UBP1: variants seen among roughly 807,000 people sequenced by gnomAD.
UBP1 encodes upstream binding protein 1.
In UBP1, 22 loss-of-function variants were observed where a neutral mutation model predicts 76.1. The ratio of observed to expected loss-of-function variants is 0.29; its 90% CI spans 0.21 to 0.41. UBP1 has a LOEUF of 0.41. Among genes scored for constraint, UBP1 ranks in the 10% least tolerant of loss-of-function variants. The pLI, the probability that UBP1 is intolerant of heterozygous loss-of-function variation, is 1.00. For missense variants in UBP1, 436 were observed against 668.1 expected (o/e 0.65, Z 3.83); for synonymous variants, 224 against 237.1 (o/e 0.94, Z 0.51).
chr3:33,434,236 T>C (rs1309201513), intron 1 of UBP1, among the ~76,000 whole-genome samples: 1 of 151,434 alleles, frequency 6.6e-6, no homozygotes, highest in Non-Finnish European at 1.5e-5. Context: ...AGACAGTTCT[T>C]AGACTACATA....
At chr3:33,397,308 G>T in intron 11 of UBP1, 173 bp from the exon 12 acceptor site, 1 of 480,746 alleles carries the variant, frequency 2.1e-6, no homozygotes, top group Non-Finnish European at 3.6e-6. Context: ...TCAGAGCCAA[G>T]GAAAATGCTG....
intron 9 of UBP1, 139 bp from the exon 10 acceptor site, chr3:33,401,155 A>G (rs2044213942): frequency 1.4e-6 from 1 of 696,964 alleles, no homozygotes. Context: ...AAAGTCTGCA[A>G]CAAAATGCAA....
intron 3 of UBP1, among the ~76,000 whole-genome samples, chr3:33,413,793 G>A (rs573622492): frequency 1.8e-4 from 28 of 152,190 alleles, no homozygotes; most frequent in African/African-American, 6.7e-4. Context: ...CACACCTGCA[G>A]GGCCTGTCCA....
chr3:33,412,921 G>A (rs986568645), intron 3 of UBP1, 94 bp from the exon 4 acceptor site: 26 of 792,352 alleles, frequency 3.3e-5, no homozygotes, highest in Non-Finnish European at 5.8e-5. Flanking sequence ...TGTAGCAGTA[G>A]AACACATACA....
At chr3:33,427,211 C>T (rs1009213229) in intron 1 of UBP1, among the ~76,000 whole-genome samples, 42 of 152,210 alleles carry the variant, frequency 2.8e-4, no homozygotes, top group African/African-American at 9.2e-4. Flanking sequence ...GTGATCCGCC[C>T]GCCTCAGCCT....
chr3:33,436,124 T>A (rs1322182741), intron 1 of UBP1, among the ~76,000 whole-genome samples: 2 of 152,214 alleles, frequency 1.3e-5, no homozygotes, highest in East Asian at 3.8e-4. Flanking sequence ...AACATTAATT[T>A]TTTTTAACTT....
chr3:33,434,446 C>T (rs762415057), intron 1 of UBP1, among the ~76,000 whole-genome samples: 1 of 151,228 alleles, frequency 6.6e-6, no homozygotes, highest in Non-Finnish European at 1.5e-5. Flanking sequence ...TACACGCATG[C>T]GCTACCATGC....
At chr3:33,420,180 T>TTA (rs1179380982) in intron 2 of UBP1, among the ~76,000 whole-genome samples, 1 of 152,184 alleles carries the variant, frequency 6.6e-6, no homozygotes, top group Non-Finnish European at 1.5e-5. Context: ...TCATGAAACT[T>TTA]TAGTAACATG....
chr3:33,394,431 C>CA (rs976335993), intron 13 of UBP1, among the ~76,000 whole-genome samples: 2 of 151,958 alleles, frequency 1.3e-5, no homozygotes, highest in South Asian at 4.1e-4. Context: ...CCCTCCCCCA[C>CA]AAAAAATTTT....
chr3:33,392,827 G>T (rs1575444683), intron 14 of UBP1: 1 of 470,044 alleles, frequency 2.1e-6, no homozygotes, highest in East Asian at 3.4e-5. Context: ...GAGAGACCTG[G>T]TCAGTCACCC....
At chr3:33,437,176 C>T (rs1361173567) in intron 1 of UBP1, among the ~76,000 whole-genome samples, 1 of 151,772 alleles carries the variant, frequency 6.6e-6, no homozygotes, top group East Asian at 1.9e-4. Flanking sequence ...TAGTAATTAG[C>T]CCCAATATAT....
intron 1 of UBP1, among the ~76,000 whole-genome samples, chr3:33,427,665 A>G (rs1386280716): frequency 1.3e-5 from 2 of 152,178 alleles, no homozygotes; most frequent in African/African-American, 4.8e-5. Context: ...TACTCCCCCC[A>G]TGCATTTCTA....
chr3:33,415,623 A>G (rs1390183412), intron 3 of UBP1, among the ~76,000 whole-genome samples: 2 of 152,166 alleles, frequency 1.3e-5, no homozygotes, highest in Non-Finnish European at 2.9e-5. Context: ...TAAAAAGTTA[A>G]AAAAATTGTT....
intron 1 of UBP1, 98 bp downstream of exon 1, chr3:33,439,638 G>T: frequency 3.7e-6 from 5 of 1,350,980 alleles, no homozygotes; most frequent in Non-Finnish European, 3.0e-6. Context: ...CAGGAGGCCC[G>T]CGCACCTCTG....
At position 33,439,920 on chromosome 3, in the gene UBP1, C is replaced by T; in HGVS notation, c.-72G>A. ...GGCGAAGGAGCCGGAGCTCCGCTGGCGCGTCCTGGGGGAGGGCGCGGGTGA... is the reference window on the plus strand; with the variant it reads ...GGCGAAGGAGCCGGAGCTCCGCTGGTGCGTCCTGGGGGAGGGCGCGGGTGA... On this transcript the variant is annotated 5_prime_UTR_variant, in exon 1 of 16. Coordinates refer to ENST00000283629, the MANE Select transcript of UBP1 (RefSeq NM_014517.5). 3 of 1,564,372 alleles carry T rather than the reference C, an allele frequency of 1.9e-6. No homozygotes were observed. The highest frequency in any genetic ancestry group is 2.3e-5 in the South Asian group (2 of 88,222).
chr3:33,399,821 C>T (rs1489614053), intron 11 of UBP1, among the ~76,000 whole-genome samples: 1 of 151,768 alleles, frequency 6.6e-6, no homozygotes, highest in Non-Finnish European at 1.5e-5. Flanking sequence ...ATGTGAGAAA[C>T]GGAGTGAAGA....
intron 15 of UBP1, 47 bp from the exon 16 acceptor site, chr3:33,390,415 T>G: frequency 6.2e-7 from 1 of 1,606,292 alleles, no homozygotes; most frequent in South Asian, 1.1e-5. Flanking sequence ...GCTTAGGAAA[T>G]TAAGCCTATT....
intron 15 of UBP1, 146 bp from the exon 16 acceptor site, chr3:33,390,514 G>C (rs1159111204): frequency 4.9e-6 from 4 of 812,610 alleles, no homozygotes; most frequent in South Asian, 1.7e-5. Flanking sequence ...AGATTAACTT[G>C]CTCTAGCTCC....
At chr3:33,421,017 G>T (rs1386951650) in intron 2 of UBP1, among the ~76,000 whole-genome samples, 1 of 152,242 alleles carries the variant, frequency 6.6e-6, no homozygotes, top group Non-Finnish European at 1.5e-5. Context: ...GTTAGGGGCT[G>T]ATCCAGCAGT....
Sources: gnomAD v4.1 joint callset for allele counts (sites outside exome capture counted in the v4.1 genomes callset) on GRCh38, gnomAD v4.1.1 for gene constraint, MANE v1.5 for transcripts, NCBI Gene and HGNC (gene_info 2026-07-23, HGNC 2026-07-21) for gene names.